ZNF219: variants seen among roughly 807,000 people sequenced by gnomAD.
ZNF219 encodes the protein zinc finger protein 219.
A neutral mutation model predicts 54.4 loss-of-function variants in ZNF219; 17 were observed. The ratio of observed to expected loss-of-function variants is 0.31; its 90% CI spans 0.21 to 0.47. ZNF219 has a LOEUF of 0.47. ZNF219 is among the 20% of genes least tolerant of loss of function. ZNF219 has a pLI of 1.00. For missense variants in ZNF219, 1,014 were observed against 1,062.3 expected, an observed-to-expected ratio of 0.95 and a Z score of 0.63; for synonymous variants, 518 against 476.4, an observed-to-expected ratio of 1.09 and a Z score of -1.14.
At position 21,098,479 on chromosome 14, in the gene ZNF219, G is replaced by T; in HGVS notation, c.-251C>A. 2 of 977,324 alleles carry T rather than the reference G, an allele frequency of 2.0e-6. No individual in the cohort carries two copies. Among genetic ancestry groups the T allele is most frequent in the South Asian group, 4.7e-5 (1 of 21,110 alleles). The allele number at this position is 977,324 out of a possible 1,614,324, so 60.5% of individuals were successfully genotyped here. A position where few individuals can be genotyped will look rare whatever the true frequency, so the allele number is the denominator to read the frequency against. ...GCCCCCTCCCCGGTCCCCCGCCCCC[G>T]GCCCTGGCCCGCATTGTGTGCGGCG... is the stretch of plus-strand genomic sequence containing the variant. On this transcript the variant is annotated 5_prime_UTR_variant, in exon 1 of 5. Coordinates refer to ENST00000360947, the MANE Select transcript of ZNF219 (RefSeq NM_016423.3).
intron 3 of ZNF219, 115 bp downstream of exon 3, chr14:21,091,746 CAAAA>C (rs752978503): frequency 5.5e-6 from 8 of 1,448,498 alleles, no homozygotes; most frequent in Non-Finnish European, 7.2e-6. Flanking sequence ...CAAAACAAAA[CAAAA>C]AAACTCAGGA....
rs1302738542 is a variant in ZNF219, at chr14:21,090,934, C to T, written c.1771G>A (p.Ala591Thr). 12 of 1,546,278 alleles carry T rather than the reference C, an allele frequency of 7.8e-6. No individual in the cohort carries two copies. Among genetic ancestry groups the T allele is most frequent in the Non-Finnish European group, 9.6e-6 (11 of 1,150,664 alleles). The change falls in exon 5 of 5, where the codon GCC (alanine) becomes ACC (threonine). Residue 591 changes from alanine (A) to threonine (T), a missense_variant. Physicochemically the swap from Ala to Thr is moderately conservative, Grantham distance 58 (BLOSUM62 0). This residue lies in a region of ZNF219 where 281 missense variants were observed against 271.2 expected (regional missense o/e 1.04). Transcript: ENST00000360947. The surrounding 1 kb of genome is among the most constrained non-coding windows in gnomAD (Gnocchi z 4.4). ...CTAGAAGGAGGCCGGGGACTTGAGGCGCCCTCCACCCAGGTCGCAGGCTGC... is the reference window on the plus strand; with the variant it reads ...CTAGAAGGAGGCCGGGGACTTGAGGTGCCCTCCACCCAGGTCGCAGGCTGC... Reference protein sequence around the residue: ...SPQPATWVEGASSPRPPSSGA... With the variant: ...SPQPATWVEGTSSPRPPSSGA...
intron 1 of ZNF219, chr14:21,094,606 A>G: frequency 5.9e-6 from 2 of 338,486 alleles, no homozygotes; most frequent in Non-Finnish European, 1.2e-5. Flanking sequence ...ATAGGGACTC[A>G]GCACATGCTC....
Position 21,098,449 on chromosome 14 carries a change from C to A in ZNF219, c.-221G>T. 6 of 851,378 alleles carry A rather than the reference C, an allele frequency of 7.0e-6. No homozygotes were observed. The highest frequency in any genetic ancestry group is 8.4e-6 in the Non-Finnish European group (6 of 711,288). 52.7% of individuals were successfully genotyped at this position (851,378 alleles called of 1,614,324 possible). A position where few individuals can be genotyped will look rare whatever the true frequency, so the allele number is the denominator to read the frequency against. On this transcript the variant is annotated 5_prime_UTR_variant, in exon 1 of 5. Coordinates refer to ENST00000360947, the MANE Select transcript of ZNF219 (RefSeq NM_016423.3). ...CCCGGCCCCCCCGCCCCCGGCCCGG[C>A]CCCCGCCCCCTCCCCGGTCCCCCGC...
At position 21,092,481 on chromosome 14, in the gene ZNF219, C is replaced by T. The variant is rs1280996001; in HGVS notation, c.816G>A (p.Pro272=). 1.3e-6 allele frequency: 2 copies of T among 1,553,890 alleles called. No individual in the cohort carries two copies. The highest frequency in any genetic ancestry group is 1.2e-5 in the South Asian group (1 of 84,354). ...GGCCGCACACTTGGCAGCGGAACTC[C>T]GGAGGCGCTGGGGGCTCCTCGGGAG... ...PAAPEEPPAP[P]EFRCQVCGQS... is the part of the protein sequence containing the mutation. Residue 272 remains proline (P), a synonymous_variant, in exon 3 of 5, where the codon CCG becomes CCA. Transcript: ENST00000360947.
chr14:21,102,806 A>C, upstream of ZNF219: 3 of 1,542,792 alleles, frequency 1.9e-6, no homozygotes, highest in Non-Finnish European at 1.7e-6. Context: ...GAAAGCACGA[A>C]TAGCTAGCTG....
chr14:21,093,181 G>A lies in ZNF219; in HGVS notation c.116C>T (p.Ser39Leu). Reference protein sequence around the residue: ...YSNGPAVSAGSLGMGAVSWSE... With the variant: ...YSNGPAVSAGLLGMGAVSWSE... ...CCAGCTCACCGCTCCCATCCCGAGCGACCCTGCGCTCACGGCTGGCCCGTT... is the reference window on the plus strand; with the variant it reads ...CCAGCTCACCGCTCCCATCCCGAGCAACCCTGCGCTCACGGCTGGCCCGTT... The change falls in exon 3 of 5, where the codon TCG (serine) becomes TTG (leucine). Residue 39 changes from serine (S) to leucine (L), a missense_variant. This residue lies in a region of ZNF219 where 395 missense variants were observed against 415.1 expected (regional missense o/e 0.95). Transcript: ENST00000360947. The A allele has an allele frequency of 1.2e-6, 2 of 1,609,326 alleles. No homozygotes were observed. The highest frequency in any genetic ancestry group is 1.7e-6 in the Non-Finnish European group (2 of 1,179,340).
At chr14:21,102,360 A>T, upstream of ZNF219, 1 of 1,546,002 alleles carries the variant, frequency 6.5e-7, no homozygotes, top group Non-Finnish European at 8.8e-7. Flanking sequence ...TTGAGGTTGG[A>T]ATGACTCCCC....
At chr14:21,094,125 T>C (rs577078258) in intron 1 of ZNF219, among the ~76,000 whole-genome samples, 1 of 152,336 alleles carries the variant, frequency 6.6e-6, no homozygotes, top group South Asian at 2.1e-4. Context: ...TGCTTCCTTC[T>C]GCCCTTACCC....
upstream of ZNF219, chr14:21,102,915 C>T (rs1382512170): frequency 7.2e-7 from 1 of 1,383,950 alleles, no homozygotes; most frequent in Non-Finnish European, 9.6e-7. Context: ...AACTGATTGG[C>T]TTTCTCTGGC....
At chr14:21,096,271 A>G (rs2139320850) in intron 1 of ZNF219, among the ~76,000 whole-genome samples, 1 of 152,248 alleles carries the variant, frequency 6.6e-6, no homozygotes, top group East Asian at 1.9e-4. Context: ...GAACAGAAAT[A>G]GAGTGATATA....
chr14:21,103,886 C>G (rs1046361821), upstream of ZNF219: 2 of 152,486 alleles, frequency 1.3e-5, no homozygotes, highest in African/African-American at 4.8e-5. Flanking sequence ...AGAGCTGGAT[C>G]TGGGTCCCCA....
chr14:21,093,039 C>T lies in ZNF219; in HGVS notation c.258G>A (p.Gln86=). The T allele has an allele frequency of 1.3e-6, 2 of 1,599,784 alleles. No homozygotes were observed. Among genetic ancestry groups the T allele is most frequent in the Non-Finnish European group, 1.7e-6 (2 of 1,175,434 alleles). ...LRAHPGAQAF[Q]CPHCGHRAAQ... ...CCGCGCGGTGGCCGCAGTGAGGGCA[C>T]TGGAAGGCCTGGGCTCCTGGGTGCG... The change falls in exon 3 of 5, where the codon CAG becomes CAA. Residue 86 remains glutamine (Q), a synonymous_variant. Transcript: ENST00000360947.
chr14:21,101,930 T>C (rs1005627159), upstream of ZNF219: 12 of 1,551,548 alleles, frequency 7.7e-6, no homozygotes, highest in African/African-American at 1.4e-4. Context: ...GCCTGAACTC[T>C]GATTGTCACA....
At chr14:21,099,166 C>G (rs908816901), upstream of ZNF219, 4 of 199,282 alleles carry the variant, frequency 2.0e-5, no homozygotes, top group Admixed American at 5.8e-5. Context: ...TGGTACCTTC[C>G]TTCCAGGCGA....
At chr14:21,093,893 T>C (rs1194562922) in intron 1 of ZNF219, 2 of 521,720 alleles carry the variant, frequency 3.8e-6, no homozygotes, top group Non-Finnish European at 6.9e-6. Flanking sequence ...TTCCCCAAAT[T>C]CTATATTTTA....
chr14:21,101,056 A>C, upstream of ZNF219: 1 of 310,870 alleles, frequency 3.2e-6, no homozygotes, highest in Non-Finnish European at 6.2e-6. Context: ...CCTTTGCCCC[A>C]CCACACCCCA....
In ZNF219 at chr14:21,091,990, T is replaced by G; in HGVS notation, c.1307A>C (p.Glu436Ala). ...PEEEEEVVEAEEETWARGRSL... is the reference protein window; with the variant it reads ...PEEEEEVVEAAEETWARGRSL... ...CCTGCCCCGGGCCCAGGTTTCCTCC[T>G]CGGCCTCCACCACCTCCTCTTCTTC... The change falls in exon 3 of 5, where the codon GAG becomes GCG. Residue 436 changes from glutamate (E) to alanine (A), a missense_variant. Glu to Ala is a moderately radical substitution (Grantham distance 107). Transcript: ENST00000360947. 2.6e-6 allele frequency: 4 copies of G among 1,562,720 alleles called. No homozygotes were observed. The highest frequency in any genetic ancestry group is 3.5e-6 in the Non-Finnish European group (4 of 1,153,976).
At chr14:21,101,539 G>T, upstream of ZNF219, 1 of 1,247,984 alleles carries the variant, frequency 8.0e-7, no homozygotes, top group Non-Finnish European at 1.1e-6. Flanking sequence ...TGTTAAGTGA[G>T]CACCTACCAT....
Sources: allele counts gnomAD v4.1 joint callset (sites outside exome capture counted in the v4.1 genomes callset), GRCh38; gene constraint gnomAD v4.1.1; regional missense constraint gnomAD v4.1.1; non-coding constraint Gnocchi (gnomAD v3.1); transcripts MANE v1.5; gene names NCBI Gene and HGNC (gene_info 2026-07-23, HGNC 2026-07-21).